The following CREB5 variants were observed in gnomAD, a reference collection of about 807,000 sequenced individuals.
CREB5 encodes the protein cAMP responsive element binding protein 5.
CREB5 carries 19 observed loss-of-function variants against 57.1 expected under a neutral mutation model. That is an observed-to-expected ratio of 0.33 (90% CI 0.23 to 0.49). The LOEUF (loss-of-function observed/expected upper bound fraction) is 0.49. CREB5 is among the 20% of genes least tolerant of loss of function. The pLI, the probability that CREB5 is intolerant of heterozygous loss-of-function variation, is 0.99. For synonymous variants in CREB5, 238 were observed against 238.3 expected (o/e 1.00, Z 0.01); for missense variants, 579 against 671.6 (o/e 0.86, Z 1.52).
chr7:28,593,173 G>A (rs1330646482), intron 5 of CREB5, among the ~76,000 whole-genome samples: 13 of 152,320 alleles, frequency 8.5e-5, no homozygotes, highest in Admixed American at 7.2e-4. Flanking sequence ...AGCATGAGGT[G>A]TGTGTACCAC....
At chr7:28,757,328 C>G (rs1805381717) in intron 7 of CREB5, among the ~76,000 whole-genome samples, 1 of 152,166 alleles carries the variant, frequency 6.6e-6, no homozygotes, top group Non-Finnish European at 1.5e-5. Flanking sequence ...CCTTTAACTA[C>G]TATGCCACTG....
chr7:28,677,093 T>C (rs181221993), intron 5 of CREB5, among the ~76,000 whole-genome samples: 212 of 152,324 alleles, frequency 1.4e-3, no homozygotes, highest in Non-Finnish European at 2.4e-3. Context: ...CTAAATACTT[T>C]TTATCTTAAA....
chr7:28,341,159 C>A (rs374568153), intron 1 of CREB5, among the ~76,000 whole-genome samples: 4 of 152,068 alleles, frequency 2.6e-5, no homozygotes, highest in Non-Finnish European at 5.9e-5. Flanking sequence ...CAATTTGGTG[C>A]TGCTGTGAGG....
At chr7:28,553,935 A>G (rs763358429) in intron 4 of CREB5, among the ~76,000 whole-genome samples, 1 of 152,124 alleles carries the variant, frequency 6.6e-6, no homozygotes, top group Non-Finnish European at 1.5e-5. Context: ...CATCAAACAG[A>G]ATTCCTTTCC....
intron 4 of CREB5, among the ~76,000 whole-genome samples, chr7:28,513,222 G>T (rs1466858064): frequency 1.3e-5 from 2 of 152,204 alleles, no homozygotes; most frequent in Non-Finnish European, 2.9e-5. Flanking sequence ...AGTGGTGCTG[G>T]ATGGAAAATA....
At chr7:28,299,759 C>T (rs899303479) in intron 1 of CREB5, among the ~76,000 whole-genome samples, 2 of 152,062 alleles carry the variant, frequency 1.3e-5, no homozygotes, top group African/African-American at 4.8e-5. Flanking sequence ...ATTTATTTAA[C>T]ATTTACCCTA....
rs1562797356 is a variant in CREB5, at chr7:28,560,868, G to GCA, written c.292-9496_292-9495insAC. Among the ~76,000 whole-genome samples the GCA allele has an allele frequency of 2.8e-3, 108 of 38,160 alleles. 11 individuals carry two copies. Among genetic ancestry groups the GCA allele is most frequent in the Admixed American group, 6.0e-3 (20 of 3,308 alleles). The allele number at this position is 38,160 out of a possible 152,430, so 25.0% of individuals were successfully genotyped here. ...TGCGCGTGTGTGTGTGCGTGTGCCT[G>GCA]CGTGCGCGTGCGTGCGTGCGTGTGT... is the stretch of plus-strand genomic sequence containing the variant. On this transcript the variant is annotated intron_variant, in intron 4 of 10. Transcript: ENST00000357727.
intron 5 of CREB5, among the ~76,000 whole-genome samples, chr7:28,648,947 G>A (rs909091305): frequency 6.6e-6 from 1 of 152,092 alleles, no homozygotes; most frequent in Non-Finnish European, 1.5e-5. Flanking sequence ...TACCAATAAA[G>A]GTTTTGTGCT....
intron 1 of CREB5, among the ~76,000 whole-genome samples, chr7:28,402,826 G>A (rs904812292): frequency 1.7e-4 from 26 of 152,154 alleles, no homozygotes; most frequent in Non-Finnish European, 2.8e-4. Flanking sequence ...TGACAAATGC[G>A]ATCTAATTAA....
chr7:28,455,273 A>G (rs1277460837), intron 1 of CREB5, among the ~76,000 whole-genome samples: 1 of 152,176 alleles, frequency 6.6e-6, no homozygotes, highest in African/African-American at 2.4e-5. Flanking sequence ...AGATGGATGG[A>G]CAGACTGGGA....
At position 28,507,527 on chromosome 7, in the gene CREB5, A is replaced by C. The variant is rs150540393; in HGVS notation, c.170-89A>C. On this transcript the variant is annotated intron_variant, in intron 3 of 10. Coordinates refer to ENST00000357727, the MANE Select transcript of CREB5 (RefSeq NM_182898.4). ...GCTAGTGGACATTTTAATTAAGGCA[A>C]GGGGAGGGGATTAGTGAATCTAGCT... 1.5e-3 allele frequency: 2,157 copies of C among 1,450,760 alleles called. 33 individuals carry two copies. The African/African-American group carries it at 0.024, about 16-fold the overall frequency. 89.9% of individuals were successfully genotyped at this position (1,450,760 alleles called of 1,614,324 possible). A position where few individuals can be genotyped will look rare whatever the true frequency, so the allele number is the denominator to read the frequency against.
intron 4 of CREB5, among the ~76,000 whole-genome samples, chr7:28,559,136 A>G (rs1474181100): frequency 6.6e-6 from 1 of 151,978 alleles, no homozygotes; most frequent in Non-Finnish European, 1.5e-5. Context: ...ACTTGTTTCT[A>G]GTCACTTTGC....
intron 3 of CREB5, among the ~76,000 whole-genome samples, chr7:28,506,910 C>T (rs528074155): frequency 3.9e-4 from 59 of 152,264 alleles, no homozygotes; most frequent in South Asian, 3.7e-3. Context: ...AAGTAGAAAG[C>T]TCTGTAGAAA....
intron 5 of CREB5, among the ~76,000 whole-genome samples, chr7:28,629,362 C>T (rs1798118174): frequency 6.6e-6 from 1 of 152,214 alleles, no homozygotes; most frequent in Non-Finnish European, 1.5e-5. Flanking sequence ...GTCCTGGAAT[C>T]AGACGCCCAG....
chr7:28,401,570 C>A (rs914689236), intron 1 of CREB5, among the ~76,000 whole-genome samples: 3 of 152,120 alleles, frequency 2.0e-5, no homozygotes, highest in Non-Finnish European at 4.4e-5. Context: ...CCCCTTTCCC[C>A]AACCACGACA....
rs991377696 is a variant in CREB5 at position 28,822,013 on chromosome 7, G to A, written c.*2734G>A. The A allele has an allele frequency of 5.2e-5, 8 of 152,554 alleles. No homozygotes were observed. Among genetic ancestry groups the A allele is most frequent in the African/African-American group, 1.4e-4 (6 of 41,452 alleles). The allele number at this position is 152,554 out of a possible 1,614,324, so 9.5% of individuals were successfully genotyped here. ...ATTTAGTTGTTAGGCTGAAAGCCTC[G>A]GCAGTTAAGAACTTGCCTGAGTTTT... On this transcript the variant is annotated 3_prime_UTR_variant, in exon 11 of 11. Coordinates refer to ENST00000357727, the MANE Select transcript of CREB5 (RefSeq NM_182898.4).
chr7:28,396,562 A>G (rs756203655), intron 1 of CREB5, among the ~76,000 whole-genome samples: 4 of 152,172 alleles, frequency 2.6e-5, no homozygotes, highest in Admixed American at 6.6e-5. Flanking sequence ...TGAAAGTAAC[A>G]TATTATTTGT....
intron 1 of CREB5, among the ~76,000 whole-genome samples, chr7:28,486,670 T>TTACATATATATATATATA (rs1554331892): frequency 1.1e-5 from 1 of 89,116 alleles, no homozygotes; most frequent in Non-Finnish European, 2.3e-5. Context: ...TCCTATGATT[T>TTACATATATATATATATA]TATATATATA....
At chr7:28,591,754 G>T (rs544375966) in intron 5 of CREB5, among the ~76,000 whole-genome samples, 1 of 152,222 alleles carries the variant, frequency 6.6e-6, no homozygotes, top group South Asian at 2.1e-4. Flanking sequence ...CTGATTGTGG[G>T]GTGTAGGAAG....
Sources: allele counts gnomAD v4.1 joint callset (sites outside exome capture counted in the v4.1 genomes callset), GRCh38; gene constraint gnomAD v4.1.1; transcripts MANE v1.5; gene names NCBI Gene and HGNC (gene_info 2026-07-23, HGNC 2026-07-21).